Variants in FGF10 observed in about 807,000 individuals in gnomAD.
The protein encoded by FGF10 is fibroblast growth factor 10, also known as FGF-10.
In FGF10, 2 loss-of-function variants were observed where a neutral mutation model predicts 19.8. The observed-to-expected ratio is 0.10, with a 90% CI of 0.04 to 0.32. FGF10 has a LOEUF of 0.32. Among genes scored for constraint, FGF10 ranks in the 10% least tolerant of loss-of-function variants. The pLI is 1.00. For missense variants in FGF10, 191 were observed against 246.3 expected (o/e 0.78, Z 1.50); for synonymous variants, 112 against 94.0 (o/e 1.19, Z -1.10).
At chr5:44,377,388 A>G (rs966290672) in intron 1 of FGF10, among the ~76,000 whole-genome samples, 1 of 152,240 alleles carries the variant, frequency 6.6e-6, no homozygotes, top group African/African-American at 2.4e-5. Flanking sequence ...GAGAAACAAA[A>G]AACAACTACC....
chr5:44,349,443 T>TATATATATCAGA lies in FGF10; in HGVS notation c.325+38914_326-38913insTCTGATATATAT, dbSNP rs1554038119. ...TTCTTTATATATATATATATATATA[T>TATATATATCAGA]ATATATATATATATATATATATATA... On this transcript the variant is annotated intron_variant, in intron 1 of 2. Coordinates refer to ENST00000264664, the MANE Select transcript of FGF10 (RefSeq NM_004465.2). 3.4e-3 allele frequency among the ~76,000 whole-genome samples: 42 copies of TATATATATCAGA among 12,462 alleles called. 1 individual carries two copies. Among genetic ancestry groups the TATATATATCAGA allele is most frequent in the Non-Finnish European group, 6.6e-3 (30 of 4,540 alleles). 8.2% of individuals were successfully genotyped at this position (12,462 alleles called of 152,430 possible). A position where few individuals can be genotyped will look rare whatever the true frequency, so the allele number is the denominator to read the frequency against.
At position 44,326,088 on chromosome 5, in the gene FGF10, A is replaced by G. The variant is rs1044145807; in HGVS notation, c.326-15558T>C. Among the ~76,000 whole-genome samples the G allele has an allele frequency of 2.6e-5, 4 of 152,292 alleles. 1 individual carries two copies. Among genetic ancestry groups the G allele is most frequent in the Admixed American group, 6.5e-5 (1 of 15,284 alleles). ...AACCAAAACAGAAATAAATAAAAATAGACATGCCCTTAAAAAGCTTGAGAA... is the reference window on the plus strand; with the variant it reads ...AACCAAAACAGAAATAAATAAAAATGGACATGCCCTTAAAAAGCTTGAGAA... On this transcript the variant is annotated intron_variant, in intron 1 of 2. Transcript: ENST00000264664.
intron 1 of FGF10, among the ~76,000 whole-genome samples, chr5:44,340,634 T>C (rs1740948962): frequency 6.6e-6 from 1 of 151,980 alleles, no homozygotes; most frequent in African/African-American, 2.4e-5. Flanking sequence ...TGGTTTTCAC[T>C]TTAGGACAGC....
rs1327504597 is a variant in FGF10 at position 44,376,511 on chromosome 5, AAAAAAAC to A, written c.325+11840_325+11846del. Among the ~76,000 whole-genome samples the A allele has an allele frequency of 1.8e-3, 257 of 140,388 alleles. 6 individuals carry two copies. Among genetic ancestry groups the A allele is most frequent in the African/African-American group, 6.6e-3 (240 of 36,472 alleles). The allele number at this position is 140,388 out of a possible 152,430, so 92.1% of individuals were successfully genotyped here. A position where few individuals can be genotyped will look rare whatever the true frequency, so the allele number is the denominator to read the frequency against. Reference sequence around the variant, plus strand: ...ATGCCAAAAAAAAAAAAAAAAAAAAAAAAAAACAAAAAACCCACAACTAGAGCAAGAA... The same window carrying A: ...ATGCCAAAAAAAAAAAAAAAAAAAAAAAAAAACCCACAACTAGAGCAAGAA... On this transcript the variant is annotated intron_variant, in intron 1 of 2. Transcript: ENST00000264664.
At chr5:44,312,620 C>T (rs1740239188) in intron 1 of FGF10, among the ~76,000 whole-genome samples, 1 of 152,022 alleles carries the variant, frequency 6.6e-6, no homozygotes, top group Non-Finnish European at 1.5e-5. Context: ...ATCTAACATA[C>T]TTTATTTATG....
chr5:44,326,419 G>C, intron 1 of FGF10, among the ~76,000 whole-genome samples: 1 of 152,036 alleles, frequency 6.6e-6, no homozygotes, highest in South Asian at 2.1e-4. Flanking sequence ...TTATTGTTGA[G>C]ACAGGGTCTC....
intron 1 of FGF10, among the ~76,000 whole-genome samples, chr5:44,376,648 A>T (rs984553470): frequency 4.6e-5 from 7 of 151,886 alleles, no homozygotes; most frequent in African/African-American, 1.7e-4. Context: ...AAGTATTTTA[A>T]ATTGTAAAAT....
chr5:44,344,118 G>A (rs1421645348), intron 1 of FGF10, among the ~76,000 whole-genome samples: 1 of 151,930 alleles, frequency 6.6e-6, no homozygotes, highest in Non-Finnish European at 1.5e-5. Flanking sequence ...CAGGTTGGAT[G>A]GCCAGAGATC....
chr5:44,340,560 T>C (rs1740947281), intron 1 of FGF10, among the ~76,000 whole-genome samples: 1 of 152,202 alleles, frequency 6.6e-6, no homozygotes, highest in African/African-American at 2.4e-5. Context: ...AGGTATTGTC[T>C]TTTATCAGTA....
At chr5:44,358,155 G>A (rs1741392529) in intron 1 of FGF10, among the ~76,000 whole-genome samples, 2 of 151,486 alleles carry the variant, frequency 1.3e-5, no homozygotes, top group African/African-American at 2.4e-5. Flanking sequence ...ATTCTACATG[G>A]CAGAAGTTCC....
chr5:44,306,077 G>A lies in FGF10; in HGVS notation c.430-885C>T, dbSNP rs1740069383. On this transcript the variant is annotated intron_variant, in intron 2 of 2. Coordinates refer to ENST00000264664, the MANE Select transcript of FGF10 (RefSeq NM_004465.2). ...CTTACTCTGGAGTTAATAACAAAGAGGAAGTAGCTCAATGATCTCAAGACT... is the reference window on the plus strand; with the variant it reads ...CTTACTCTGGAGTTAATAACAAAGAAGAAGTAGCTCAATGATCTCAAGACT... Among the ~76,000 whole-genome samples the A allele has an allele frequency of 2.0e-5, 3 of 152,230 alleles. No homozygotes were observed. The South Asian group carries it at 6.2e-4, about 32-fold the overall frequency.
Position 44,388,713 on chromosome 5 carries a change from C to G in FGF10, c.-31G>C. ...TGAAACTCTCGGCACTGGAAATTGT[C>G]TCATCAGAAGGAACATACTGGAAGG... On this transcript the variant is annotated 5_prime_UTR_variant, in exon 1 of 3. Coordinates refer to ENST00000264664, the MANE Select transcript of FGF10 (RefSeq NM_004465.2). 1.2e-6 allele frequency: 2 copies of G among 1,610,914 alleles called. No homozygotes were observed. The highest frequency in any genetic ancestry group is 4.5e-5 in the East Asian group (2 of 44,838).
chr5:44,310,082 A>G (rs1381970789), intron 2 of FGF10, among the ~76,000 whole-genome samples: 1 of 152,114 alleles, frequency 6.6e-6, no homozygotes, highest in Non-Finnish European at 1.5e-5. Context: ...TTTCTACTCA[A>G]TTCAAGATCT....
intron 1 of FGF10, among the ~76,000 whole-genome samples, chr5:44,374,016 C>T (rs899248869): frequency 1.1e-4 from 16 of 152,088 alleles, no homozygotes; most frequent in African/African-American, 3.9e-4. Flanking sequence ...AATCTATTCT[C>T]TCAATGTTCT....
At chr5:44,385,056 T>C (rs916256711) in intron 1 of FGF10, among the ~76,000 whole-genome samples, 5 of 152,014 alleles carry the variant, frequency 3.3e-5, no homozygotes, top group Non-Finnish European at 7.4e-5. Flanking sequence ...AGCCGAGTGG[T>C]AAGGTTTCAA....
At chr5:44,310,157 G>A (rs544601033) in intron 2 of FGF10, among the ~76,000 whole-genome samples, 9 of 152,156 alleles carry the variant, frequency 5.9e-5, no homozygotes, top group Non-Finnish European at 1.0e-4. Flanking sequence ...GGATGCTTCC[G>A]TGAGAGCCTG....
chr5:44,349,455 TATATATATATATATCAGA>T (rs1254077351), intron 1 of FGF10, among the ~76,000 whole-genome samples: 6,466 of 33,490 alleles, frequency 0.19, 1,001 homozygotes, highest in Middle Eastern at 0.25. Context: ...TATATATATA[TATATATATATATATCAGA>T]ATATATATAT....
At chr5:44,331,533 G>A (rs546295667) in intron 1 of FGF10, among the ~76,000 whole-genome samples, 1 of 152,198 alleles carries the variant, frequency 6.6e-6, no homozygotes, top group South Asian at 2.1e-4. Flanking sequence ...AAAAAGCATT[G>A]ACATTTAAAA....
intron 1 of FGF10, among the ~76,000 whole-genome samples, chr5:44,351,572 C>T (rs1261532906): frequency 6.6e-6 from 1 of 151,760 alleles, no homozygotes; most frequent in Middle Eastern, 3.4e-3. Context: ...AAGAAACATG[C>T]TACTCTGTAA....
Sources: allele counts gnomAD v4.1 joint callset (sites outside exome capture counted in the v4.1 genomes callset), GRCh38; gene constraint gnomAD v4.1.1; transcripts MANE v1.5; gene names NCBI Gene and HGNC (gene_info 2026-07-23, HGNC 2026-07-21).